LARGE1: variants seen among roughly 807,000 people sequenced by gnomAD.
LARGE1 encodes xylosyl- and glucuronyltransferase LARGE1.
Under a neutral mutation model 87.6 loss-of-function variants are expected in LARGE1, and 43 were observed. That is an observed-to-expected ratio of 0.49 (90% CI 0.38 to 0.63). The LOEUF (loss-of-function observed/expected upper bound fraction) is 0.63, where lower values mean the gene tolerates loss of function less well. LARGE1 is among the 30% of genes least tolerant of loss of function. LARGE1 has a pLI of 0.00. For synonymous variants in LARGE1, 434 were observed against 394.6 expected, an observed-to-expected ratio of 1.10 and a Z score of -1.18; for missense variants, 802 against 1,000.2, an observed-to-expected ratio of 0.80 and a Z score of 2.67.
intron 6 of LARGE1, among the ~76,000 whole-genome samples, chr22:33,561,014 C>T (rs1299854643): frequency 6.6e-6 from 1 of 152,118 alleles, no homozygotes; most frequent in African/African-American, 2.4e-5. Flanking sequence ...TGGGGTTTCA[C>T]CGTGTTAGCC....
intron 11 of LARGE1, among the ~76,000 whole-genome samples, chr22:33,241,770 C>A (rs188014942): frequency 9.2e-4 from 140 of 152,110 alleles, no homozygotes; most frequent in African/African-American, 2.9e-3. Context: ...AAGGCAAATA[C>A]CACATGTTCT....
chr22:33,888,847 ACT>A (rs1237601618), intron 1 of LARGE1, among the ~76,000 whole-genome samples: 1 of 152,146 alleles, frequency 6.6e-6, no homozygotes, highest in Non-Finnish European at 1.5e-5. Context: ...ACAGGGCAAG[ACT>A]CTGTCTCAAT....
intron 9 of LARGE1, among the ~76,000 whole-genome samples, chr22:33,364,093 CG>C (rs1236380839): frequency 1.5e-5 from 2 of 131,186 alleles, no homozygotes; most frequent in Non-Finnish European, 3.5e-5. Context: ...CTCGCTCTGT[CG>C]CCCAGGCTGG....
At position 33,304,639 on chromosome 22, in the gene LARGE1, GACTC is replaced by G. The variant is rs1934626393; in HGVS notation, c.1452-136_1452-133del. On this transcript the variant is annotated intron_variant, in intron 11 of 14. Transcript: ENST00000397394. ...GGATCAAATCCCTGCTTTCAACGTT[GACTC>G]ACTCAGTTCCTTTACCTATAAAACA... 5.3e-6 allele frequency: 5 copies of G among 935,824 alleles called. No individual in the cohort carries two copies. The Admixed American group carries it at 1.1e-4, about 21-fold the overall frequency. The allele number at this position is 935,824 out of a possible 1,614,324, so 58.0% of individuals were successfully genotyped here. A position where few individuals can be genotyped will look rare whatever the true frequency, so the allele number is the denominator to read the frequency against.
chr22:33,784,922 T>C (rs984063100), intron 1 of LARGE1, among the ~76,000 whole-genome samples: 1 of 151,204 alleles, frequency 6.6e-6, no homozygotes, highest in East Asian at 1.9e-4. Flanking sequence ...TGTGTGTATA[T>C]ACATATATGT....
intron 12 of LARGE1, among the ~76,000 whole-genome samples, chr22:33,302,168 G>C (rs1315608621): frequency 6.6e-6 from 1 of 152,222 alleles, no homozygotes; most frequent in Non-Finnish European, 1.5e-5. Flanking sequence ...AGAATCTGCA[G>C]GCATCAGAGG....
chr22:33,086,129 T>C, the LARGE1 span, among the ~76,000 whole-genome samples: 2 of 152,164 alleles, frequency 1.3e-5, no homozygotes, highest in African/African-American at 4.8e-5. Context: ...ATTTTCATAG[T>C]ACTTAGTGAA....
rs145851150 is a variant in LARGE1, at chr22:33,456,814, T to C, written c.788-24549A>G. Among the ~76,000 whole-genome samples the C allele has an allele frequency of 5.8e-4, 89 of 152,250 alleles. 2 individuals carry two copies. In the East Asian group the frequency reaches 0.011, roughly 19 times the overall value. On this transcript the variant is annotated intron_variant, in intron 6 of 14. Transcript: ENST00000397394. ...ATGCGGTCCAGTGCCCTTCTGTAAA[T>C]GTAGAATTATGTGCCAGGTAATGAA...
chr22:33,320,520 G>A (rs917943323), intron 10 of LARGE1, among the ~76,000 whole-genome samples: 9 of 152,106 alleles, frequency 5.9e-5, no homozygotes, highest in Non-Finnish European at 7.3e-5. Context: ...CAACTTTCCC[G>A]GTGAGACTGT....
At chr22:33,470,275 T>G (rs897791215) in intron 6 of LARGE1, among the ~76,000 whole-genome samples, 8 of 152,112 alleles carry the variant, frequency 5.3e-5, no homozygotes, top group Non-Finnish European at 1.2e-4. Context: ...AACCTACACA[T>G]GTACCCCTGA....
intron 1 of LARGE1, among the ~76,000 whole-genome samples, chr22:33,852,936 C>G (rs369368427): frequency 5.2e-5 from 7 of 134,656 alleles, no homozygotes; most frequent in Admixed American, 5.1e-4. Flanking sequence ...AAAAACAGAA[C>G]AGGGTAAAGA....
intron 6 of LARGE1, among the ~76,000 whole-genome samples, chr22:33,515,813 C>T (rs2071276982): frequency 6.6e-6 from 1 of 152,144 alleles, no homozygotes; most frequent in Non-Finnish European, 1.5e-5. Context: ...CTGACAAGAT[C>T]AGGATGAGAG....
intron 11 of LARGE1, among the ~76,000 whole-genome samples, chr22:33,234,009 G>T (rs2145665910): frequency 6.6e-6 from 1 of 152,300 alleles, no homozygotes; most frequent in South Asian, 2.1e-4. Flanking sequence ...CCTACCAAAT[G>T]CCTTCACCCT....
chr22:33,492,615 T>A (rs2069902393), intron 6 of LARGE1, among the ~76,000 whole-genome samples: 1 of 152,224 alleles, frequency 6.6e-6, no homozygotes, highest in Admixed American at 6.5e-5. Context: ...CCGGGAGCTT[T>A]GCAAATTCTT....
intron 9 of LARGE1, among the ~76,000 whole-genome samples, chr22:33,380,929 T>C (rs1452114646): frequency 2.6e-5 from 4 of 152,224 alleles, no homozygotes; most frequent in Admixed American, 6.5e-5. Context: ...CCTTCCACTG[T>C]AGGGAGGGAA....
At chr22:33,217,239 A>C (rs1274326072) in intron 11 of LARGE1, among the ~76,000 whole-genome samples, 2 of 85,586 alleles carry the variant, frequency 2.3e-5, no homozygotes. Flanking sequence ...ATCTAACAGC[A>C]AAAAAAAAAA....
intron 1 of LARGE1, among the ~76,000 whole-genome samples, chr22:33,775,867 AAG>A (rs2085219281): frequency 6.6e-6 from 1 of 151,374 alleles, no homozygotes; most frequent in Non-Finnish European, 1.5e-5. Flanking sequence ...AAAAAAAAAA[AAG>A]ACTCAGGAGG....
chr22:33,842,953 CAAAAAA>C (rs1319158719), intron 1 of LARGE1, among the ~76,000 whole-genome samples: 2 of 109,614 alleles, frequency 1.8e-5, no homozygotes, highest in African/African-American at 6.8e-5. Flanking sequence ...CAAAACAAAA[CAAAAAA>C]ACCACAACAC....
At chr22:33,630,745 G>A (rs1404710591) in intron 3 of LARGE1, among the ~76,000 whole-genome samples, 1 of 151,930 alleles carries the variant, frequency 6.6e-6, no homozygotes, top group Admixed American at 6.6e-5. Context: ...TTATAAACAT[G>A]GTACACTTAG....
Sources: gnomAD v4.1 joint callset for allele counts (sites outside exome capture counted in the v4.1 genomes callset) on GRCh38, gnomAD v4.1.1 for gene constraint, MANE v1.5 for transcripts, NCBI Gene and HGNC (gene_info 2026-07-23, HGNC 2026-07-21) for gene names.